Variants in NIBAN1 observed in about 807,000 individuals in gnomAD.
NIBAN1 encodes protein Niban 1.
In NIBAN1, 81 loss-of-function variants were observed where a neutral mutation model predicts 75.1. The ratio of observed to expected loss-of-function variants is 1.08; its 90% CI spans 0.90 to 1.30. NIBAN1 has a LOEUF of 1.30. Ranked by LOEUF, NIBAN1 falls within the 50% of genes most tolerant of loss-of-function variation. The probability of loss-of-function intolerance (pLI) is 0.00; values close to 1 mark genes in which losing one functional copy is unlikely to be tolerated. For missense variants in NIBAN1, 1,133 were observed against 1,128.1 expected, an observed-to-expected ratio of 1.00 and a Z score of -0.06; for synonymous variants, 436 against 424.8, an observed-to-expected ratio of 1.03 and a Z score of -0.32.
At position 184,911,183 on chromosome 1, in the gene NIBAN1, C is replaced by T. The variant is rs750303431; in HGVS notation, c.56-11874G>A. On this transcript the variant is annotated intron_variant, in intron 1 of 13. Coordinates refer to ENST00000367511, the MANE Select transcript of NIBAN1 (RefSeq NM_052966.4). The stretch of plus-strand genomic sequence containing the variant: ...CATTATTGAGTCTCAACACAATTAT[C>T]AATTTATTTCACTTAATATATATTA... Among the ~76,000 whole-genome samples, 48 of 151,980 alleles carry T rather than the reference C, an allele frequency of 3.2e-4. 1 individual carries two copies. The highest frequency in any genetic ancestry group is 1.9e-3 in the Admixed American group (29 of 15,238).
intron 8 of NIBAN1, among the ~76,000 whole-genome samples, chr1:184,820,720 A>G (rs1224610635): frequency 3.3e-5 from 5 of 152,280 alleles, no homozygotes; most frequent in African/African-American, 4.8e-5. Context: ...GGCGAGGGCC[A>G]GAGGGCCTGG....
chr1:184,960,995 C>A (rs1191471356), intron 1 of NIBAN1, among the ~76,000 whole-genome samples: 5 of 149,762 alleles, frequency 3.3e-5, no homozygotes, highest in Non-Finnish European at 7.4e-5. Flanking sequence ...ACACTCCCAA[C>A]ATAACACCCT....
chr1:184,797,960 C>T, intron 13 of NIBAN1, 119 bp downstream of exon 13: 1 of 520,080 alleles, frequency 1.9e-6, no homozygotes, highest in East Asian at 3.1e-5. Context: ...GTCTGTCTCC[C>T]TCCCTCACCA....
At chr1:184,815,850 G>C (rs1028923664) in intron 9 of NIBAN1, among the ~76,000 whole-genome samples, 1 of 152,156 alleles carries the variant, frequency 6.6e-6, no homozygotes, top group African/African-American at 2.4e-5. Context: ...TCATTTGTTA[G>C]GTCCTTTTTC....
At chr1:184,852,617 T>C (rs538510971) in intron 5 of NIBAN1, among the ~76,000 whole-genome samples, 7 of 152,356 alleles carry the variant, frequency 4.6e-5, no homozygotes, top group African/African-American at 1.7e-4. Flanking sequence ...TCATGTCTGC[T>C]TTCTCAGCTA....
chr1:184,893,563 C>G (rs559991699), intron 3 of NIBAN1, among the ~76,000 whole-genome samples: 5 of 152,218 alleles, frequency 3.3e-5, no homozygotes, highest in African/African-American at 1.2e-4. Context: ...ATTCTGAATT[C>G]CTAGGAACCC....
chr1:184,821,850 C>T (rs943967556), intron 8 of NIBAN1, among the ~76,000 whole-genome samples: 1 of 152,076 alleles, frequency 6.6e-6, no homozygotes, highest in Admixed American at 6.6e-5. Flanking sequence ...GAAAGGATGG[C>T]GTAAATAGAC....
At chr1:184,807,162 T>C (rs1654223622) in intron 10 of NIBAN1, among the ~76,000 whole-genome samples, 1 of 152,198 alleles carries the variant, frequency 6.6e-6, no homozygotes, top group South Asian at 2.1e-4. Flanking sequence ...TCTGGTACAG[T>C]GTCCGGCCCA....
chr1:184,927,541 G>A (rs1340199594), intron 1 of NIBAN1, among the ~76,000 whole-genome samples: 8 of 152,074 alleles, frequency 5.3e-5, no homozygotes, highest in Admixed American at 5.2e-4. Context: ...CCTGGAGCTG[G>A]GGAAGGGGTG....
intron 5 of NIBAN1, among the ~76,000 whole-genome samples, chr1:184,833,077 C>T (rs1430648983): frequency 2.0e-5 from 3 of 151,876 alleles, no homozygotes; most frequent in Admixed American, 1.3e-4. Context: ...GCCAATAGCA[C>T]ATTTATAGGG....
chr1:184,864,231 T>G (rs367877240), intron 5 of NIBAN1, among the ~76,000 whole-genome samples: 1 of 152,334 alleles, frequency 6.6e-6, no homozygotes, highest in African/African-American at 2.4e-5. Context: ...AGGATTGTTG[T>G]CAGCCTTCAC....
At chr1:184,972,349 A>T (rs1339522824) in intron 1 of NIBAN1, among the ~76,000 whole-genome samples, 1 of 152,222 alleles carries the variant, frequency 6.6e-6, no homozygotes, top group Non-Finnish European at 1.5e-5. Context: ...TAGGGCTATG[A>T]TTTTACTCAG....
intron 5 of NIBAN1, among the ~76,000 whole-genome samples, chr1:184,832,895 G>C (rs536638160): frequency 6.6e-6 from 1 of 152,148 alleles, no homozygotes; most frequent in South Asian, 2.1e-4. Context: ...GGCTCTTGGG[G>C]GACACAATGA....
At chr1:184,954,901 G>T (rs1425573015) in intron 1 of NIBAN1, among the ~76,000 whole-genome samples, 1 of 152,160 alleles carries the variant, frequency 6.6e-6, no homozygotes, top group Non-Finnish European at 1.5e-5. Flanking sequence ...TTTCCTTGCA[G>T]CTCTATGAAT....
intron 9 of NIBAN1, among the ~76,000 whole-genome samples, chr1:184,810,900 T>A (rs1654357629): frequency 1.3e-5 from 2 of 152,352 alleles, no homozygotes; most frequent in African/African-American, 4.8e-5. Context: ...TTCTAGTGAC[T>A]CCCAGGAGCG....
intron 1 of NIBAN1, among the ~76,000 whole-genome samples, chr1:184,922,089 C>T (rs1657569349): frequency 6.6e-6 from 1 of 152,038 alleles, no homozygotes; most frequent in Non-Finnish European, 1.5e-5. Context: ...TTCACATCTC[C>T]TTCATTTTTT....
chr1:184,884,634 A>T lies in NIBAN1; in HGVS notation c.600T>A (p.His200Gln). 1 of 1,613,974 alleles carries T rather than the reference A, an allele frequency of 6.2e-7. No individual in the cohort carries two copies. The highest frequency in any genetic ancestry group is 1.1e-5 in the South Asian group (1 of 91,080). The change falls in exon 5 of 14, where the codon CAT becomes CAA. Residue 200 changes from histidine to glutamine, a missense_variant and splice_region_variant. Physicochemically the swap from His to Gln is conservative, Grantham distance 24. Transcript: ENST00000367511. ...GATGAGAGGGGAGCCGCGCCATACC[A>T]TGATTGAGATGCCTGACGCAGTCAC... ...LLSDCVRHLN[H>Q]DYMKQMTFEA...
chr1:184,934,011 T>A (rs1384733124), intron 1 of NIBAN1, among the ~76,000 whole-genome samples: 1 of 152,148 alleles, frequency 6.6e-6, no homozygotes, highest in Admixed American at 6.5e-5. Flanking sequence ...GTGAGGGATC[T>A]CAGAATGCAT....
chr1:184,883,981 T>G (rs1290627581), intron 5 of NIBAN1, among the ~76,000 whole-genome samples: 5 of 152,222 alleles, frequency 3.3e-5, no homozygotes, highest in Admixed American at 2.0e-4. Flanking sequence ...ATTTAGATTT[T>G]TTTAAATCAG....
Sources: gnomAD v4.1 joint callset for allele counts (sites outside exome capture counted in the v4.1 genomes callset) on GRCh38, gnomAD v4.1.1 for gene constraint, MANE v1.5 for transcripts, NCBI Gene and HGNC (gene_info 2026-07-23, HGNC 2026-07-21) for gene names.